The following CACNA1H variants were observed in gnomAD, a reference collection of about 807,000 sequenced individuals.
The protein encoded by CACNA1H is calcium voltage-gated channel subunit alpha1 H, also known as voltage-dependent T-type calcium channel subunit alpha-1H.
A neutral mutation model predicts 192.5 loss-of-function variants in CACNA1H; 149 were observed. The observed-to-expected ratio is 0.77, with a 90% confidence interval of 0.68 to 0.89. The LOEUF is 0.89. Among genes scored for constraint, CACNA1H ranks in the 40% least tolerant of loss-of-function variants. The probability of loss-of-function intolerance (pLI) is 0.00; values close to 1 mark genes in which losing one functional copy is unlikely to be tolerated. For missense variants in CACNA1H, 4,257 were observed against 3,423.5 expected, an observed-to-expected ratio of 1.24 and a Z score of -6.08; for synonymous variants, 2,202 against 1,475.2, an observed-to-expected ratio of 1.49 and a Z score of -11.29.
chr16:1,221,702 A>C lies in CACNA1H; in HGVS notation c.*708A>C. On this transcript the variant is annotated 3_prime_UTR_variant, in exon 35 of 35. Coordinates refer to ENST00000348261, the MANE Select transcript of CACNA1H (RefSeq NM_021098.3). ...GTTAAATGTTGCAATAATCTGATGC[A>C]GAAGACTCAGCTTCTCAAGGGAGAG... is the stretch of plus-strand genomic sequence containing the variant. 1 of 1,298,922 alleles carries C rather than the reference A, an allele frequency of 7.7e-7. No homozygotes were observed. 80.5% of individuals were successfully genotyped at this position (1,298,922 alleles called of 1,614,324 possible).
At chr16:1,175,928 G>C (rs1345499240) in intron 2 of CACNA1H, among the ~76,000 whole-genome samples, 3 of 152,130 alleles carry the variant, frequency 2.0e-5, no homozygotes, top group Non-Finnish European at 4.4e-5. Context: ...CTCTGCAACA[G>C]CCTGGAGTTT....
Position 1,209,554 on chromosome 16 carries a change from G to A in CACNA1H, c.3744+142G>A, listed in dbSNP as rs915201511. On this transcript the variant is annotated intron_variant, in intron 17 of 34. Coordinates refer to ENST00000348261, the MANE Select transcript of CACNA1H (RefSeq NM_021098.3). Reference sequence around the variant, plus strand: ...GGGGAGAGAAGCAGGCCAGGCCAGGGAGGAATCCAGCAGTGTTCAGGGATT... The same window carrying A: ...GGGGAGAGAAGCAGGCCAGGCCAGGAAGGAATCCAGCAGTGTTCAGGGATT... 5 of 1,013,780 alleles carry A rather than the reference G, an allele frequency of 4.9e-6. No individual in the cohort carries two copies. In the East Asian group the frequency reaches 7.8e-5, roughly 16 times the overall value. The allele number at this position is 1,013,780 out of a possible 1,614,324, so 62.8% of individuals were successfully genotyped here.
At chr16:1,178,191 G>C (rs1270290878) in intron 2 of CACNA1H, among the ~76,000 whole-genome samples, 1 of 126,810 alleles carries the variant, frequency 7.9e-6, no homozygotes. Context: ...CTCTCCATGG[G>C]GCACCTCATG....
chr16:1,216,567 GC>G (rs1237462964), intron 30 of CACNA1H, among the ~76,000 whole-genome samples: 18 of 152,366 alleles, frequency 1.2e-4, no homozygotes, highest in African/African-American at 4.1e-4. Flanking sequence ...AACAGGGCGG[GC>G]CAGAGCCCCC....
In CACNA1H at chr16:1,208,210, C is replaced by T; in HGVS notation, c.3352C>T (p.Gln1118Ter). Residue 1118 changes from glutamine (Q) to a stop codon, truncating the protein, a stop_gained, in exon 16 of 35, where the codon CAG becomes TAG. Coordinates refer to ENST00000348261, the MANE Select transcript of CACNA1H (RefSeq NM_021098.3). LOFTEE classifies it high-confidence loss of function. ...CTCCGGGGACCCGCCACTGGGAGAC[C>T]AGAAGCCTCCGGTAGGGACCATCTC... The part of the protein sequence containing the change: ...SSSGDPPLGD[Q>*]KPPASLRSSP... 1 of 1,562,162 alleles carries T rather than the reference C, an allele frequency of 6.4e-7. No individual in the cohort carries two copies. The highest frequency in any genetic ancestry group is 8.6e-7 in the Non-Finnish European group (1 of 1,156,286).
Position 1,210,940 on chromosome 16 carries a change from C to T in CACNA1H, c.4192C>T (p.Leu1398=), listed in dbSNP as rs1391605092. The T allele has an allele frequency of 8.1e-6, 13 of 1,600,208 alleles. No homozygotes were observed. The highest frequency in any genetic ancestry group is 1.7e-5 in the Admixed American group (1 of 59,984). The change falls in exon 21 of 35, where the codon CTG becomes TTG. Residue 1398 remains leucine, a synonymous_variant. Coordinates refer to ENST00000348261, the MANE Select transcript of CACNA1H (RefSeq NM_021098.3). ...GAKILGVLRV[L]RLLRTLRPLR... ...CAAGATCCTGGGTGTTCTGCGCGTGCTGCGTCTGCTGCGGACCCTGCGGCC... is the reference window on the plus strand; with the variant it reads ...CAAGATCCTGGGTGTTCTGCGCGTGTTGCGTCTGCTGCGGACCCTGCGGCC...
At chr16:1,192,059 G>A (rs1439937942) in intron 2 of CACNA1H, among the ~76,000 whole-genome samples, 1 of 152,256 alleles carries the variant, frequency 6.6e-6, no homozygotes, top group Non-Finnish European at 1.5e-5. Flanking sequence ...TCTGCTGTGT[G>A]TGTGATTTTG....
intron 2 of CACNA1H, among the ~76,000 whole-genome samples, chr16:1,154,686 A>AG (rs1962066998): frequency 1.3e-5 from 2 of 152,156 alleles, no homozygotes; most frequent in African/African-American, 4.8e-5. Flanking sequence ...GGCACTGCCA[A>AG]GGGGGAGTCT....
Position 1,159,276 on chromosome 16 carries a change from CAG to C in CACNA1H, c.299+5241_299+5242del, listed in dbSNP as rs113752816. 1.9e-3 allele frequency among the ~76,000 whole-genome samples: 291 copies of C among 152,294 alleles called. 2 individuals carry two copies. The highest frequency in any genetic ancestry group is 6.8e-3 in the Middle Eastern group (2 of 294). Reference sequence around the variant, plus strand: ...CCCTCGGACGGTGGGGTGGGCCCGACAGGGGCAGAGTCCATGAGCCCGGTGGG... The same window carrying C: ...CCCTCGGACGGTGGGGTGGGCCCGACGGGCAGAGTCCATGAGCCCGGTGGG... On this transcript the variant is annotated intron_variant, in intron 2 of 34. Transcript: ENST00000348261.
chr16:1,157,612 C>T (rs1049847443), intron 2 of CACNA1H: 6 of 152,292 alleles, frequency 3.9e-5, no homozygotes, highest in East Asian at 1.9e-4. Flanking sequence ...GCAGGCCTCT[C>T]GTGGGCAGGA....
In CACNA1H at chr16:1,204,070, C is replaced by G; in HGVS notation, c.2063C>G (p.Pro688Arg). ...GLSVPCPLPS[P>R]PAGTLTCELK... ...AGTGTGCCCTGCCCCCTGCCCAGCC[C>G]CCCAGCGGGCACACTGACCTGTGAG... Residue 688 changes from proline (P) to arginine (R), a missense_variant, in exon 10 of 35, where the codon CCC (proline) becomes CGC (arginine). Transcript: ENST00000348261. The G allele has an allele frequency of 6.2e-7, 1 of 1,602,632 alleles. No homozygotes were observed. The highest frequency in any genetic ancestry group is 8.5e-7 in the Non-Finnish European group (1 of 1,175,488).
At chr16:1,194,860 C>T in intron 2 of CACNA1H, 112 bp from the exon 3 acceptor site, 3 of 775,420 alleles carry the variant, frequency 3.9e-6, no homozygotes, top group Admixed American at 3.8e-5. Context: ...CCTGGACACC[C>T]CCACGCGCGC....
intron 2 of CACNA1H, among the ~76,000 whole-genome samples, chr16:1,191,926 G>C (rs1009291967): frequency 1.3e-5 from 2 of 152,274 alleles, no homozygotes; most frequent in African/African-American, 4.8e-5. Context: ...GGGTCTCTGC[G>C]AGCCGTCACC....
intron 2 of CACNA1H, among the ~76,000 whole-genome samples, chr16:1,162,414 G>A (rs1025174416): frequency 6.6e-6 from 1 of 152,206 alleles, no homozygotes; most frequent in Non-Finnish European, 1.5e-5. Context: ...AGCAGGAGGT[G>A]CTTGACGCAG....
chr16:1,158,263 G>A (rs916114119), intron 2 of CACNA1H, among the ~76,000 whole-genome samples: 6 of 152,202 alleles, frequency 3.9e-5, no homozygotes, highest in African/African-American at 1.4e-4. Context: ...TGGGAGCGTT[G>A]CAGGGCTCAG....
Position 1,210,348 on chromosome 16 carries a change from TCACCCGCCCCCGCC to T in CACNA1H, c.3846-16_3846-3del. The T allele has an allele frequency of 1.1e-5, 3 of 277,418 alleles. No homozygotes were observed. The highest frequency in any genetic ancestry group is 1.3e-5 in the Non-Finnish European group (2 of 158,926). The allele number at this position is 277,418 out of a possible 1,614,324, so 17.2% of individuals were successfully genotyped here. A position where few individuals can be genotyped will look rare whatever the true frequency, so the allele number is the denominator to read the frequency against. ...CATCCACGCCGCCCCGCCCCACCTCTCACCCGCCCCCGCCCACCCAGGTTCCGCGTCTCCTGCCA... is the reference window on the plus strand; with the variant it reads ...CATCCACGCCGCCCCGCCCCACCTCTCACCCAGGTTCCGCGTCTCCTGCCA... On this transcript the variant is annotated splice_polypyrimidine_tract_variant and splice_region_variant and intron_variant, in intron 18 of 34. Transcript: ENST00000348261.
At chr16:1,179,029 C>A (rs950909769) in intron 2 of CACNA1H, among the ~76,000 whole-genome samples, 5 of 152,174 alleles carry the variant, frequency 3.3e-5, no homozygotes, top group Non-Finnish European at 5.9e-5. Context: ...GTCACAGAGA[C>A]CCTGTTGGGT....
chr16:1,156,381 G>A (rs961262528), intron 2 of CACNA1H, among the ~76,000 whole-genome samples: 1 of 152,242 alleles, frequency 6.6e-6, no homozygotes, highest in African/African-American at 2.4e-5. Context: ...TAGCGAGGGT[G>A]TGTGTCCTGG....
At chr16:1,214,917 G>T in intron 27 of CACNA1H, 55 bp from the exon 28 acceptor site, 2 of 1,351,810 alleles carry the variant, frequency 1.5e-6, no homozygotes, top group Non-Finnish European at 2.1e-6. Flanking sequence ...TGGGAGCCAG[G>T]GGGAAGAGGG....
Sources: allele counts gnomAD v4.1 joint callset (sites outside exome capture counted in the v4.1 genomes callset), GRCh38; gene constraint gnomAD v4.1.1; transcripts MANE v1.5; gene names NCBI Gene and HGNC (gene_info 2026-07-23, HGNC 2026-07-21).